The following SPATA6L variants were observed in gnomAD, a reference collection of about 807,000 sequenced individuals.
SPATA6L encodes spermatogenesis associated 6 like.
SPATA6L carries 68 observed loss-of-function variants against 49.2 expected under a neutral mutation model. That is an observed-to-expected ratio of 1.38 (90% CI 1.14 to 1.69). The LOEUF (loss-of-function observed/expected upper bound fraction) is 1.69, where lower values mean the gene tolerates loss of function less well. SPATA6L is among the 40% of genes most tolerant of loss of function. The pLI is 0.00. For synonymous variants in SPATA6L, 198 were observed against 165.7 expected, an observed-to-expected ratio of 1.19 and a Z score of -1.50; for missense variants, 668 against 464.3, an observed-to-expected ratio of 1.44 and a Z score of -4.03.
rs370931784 is a variant in SPATA6L, at chr9:4,629,755, A to ATGTG, written c.352-591_352-588dup. Among the ~76,000 whole-genome samples the ATGTG allele has an allele frequency of 3.3e-3, 418 of 125,394 alleles. 3 individuals carry two copies. The highest frequency in any genetic ancestry group is 0.012 in the African/African-American group (362 of 29,952). 82.3% of individuals were successfully genotyped at this position (125,394 alleles called of 152,430 possible). ...CTGTCTAAAATATTGTGTTTTATAT[A>ATGTG]TGTGTGTGTGTGTGTATATATATAT... On this transcript the variant is annotated intron_variant, in intron 4 of 11. Coordinates refer to ENST00000682582, the MANE Select transcript of SPATA6L (RefSeq NM_001353486.2).
rs555147147 is a variant in SPATA6L, at chr9:4,662,502, C to T, written c.40-466G>A. 7 of 1,559,940 alleles carry T rather than the reference C, an allele frequency of 4.5e-6. No homozygotes were observed. In the South Asian group the frequency reaches 5.8e-5, roughly 13 times the overall value. The stretch of plus-strand genomic sequence containing the variant: ...CGGCAGCAGGTTTGAGTTCCAGTCC[C>T]TGCTCAGCAGCCGCGCCACGGCCGT... On this transcript the variant is annotated intron_variant, in intron 1 of 11. Coordinates refer to ENST00000682582, the MANE Select transcript of SPATA6L (RefSeq NM_001353486.2). This position sits in a 1 kb window ranked among gnomAD's most constrained non-coding sequence, Gnocchi z 4.9.
In SPATA6L at chr9:4,662,967, G is replaced by T; in HGVS notation, c.40-931C>A. The T allele has an allele frequency of 6.2e-7, 1 of 1,612,798 alleles. No individual in the cohort carries two copies. On this transcript the variant is annotated intron_variant, in intron 1 of 11. Transcript: ENST00000682582. This position sits in a 1 kb window ranked among gnomAD's most constrained non-coding sequence, Gnocchi z 4.9. ...GCGCCGCCCGGCCCACAACCAGATG[G>T]ACATGTTTGTCACTCTCTCGGTGGA...
chr9:4,662,320 G>A lies in SPATA6L; in HGVS notation c.40-284C>T. 1.4e-6 allele frequency: 2 copies of A among 1,445,512 alleles called. No individual in the cohort carries two copies. The highest frequency in any genetic ancestry group is 2.9e-5 in the South Asian group (2 of 69,452). 89.5% of individuals were successfully genotyped at this position (1,445,512 alleles called of 1,614,324 possible). On this transcript the variant is annotated intron_variant, in intron 1 of 11. Coordinates refer to ENST00000682582, the MANE Select transcript of SPATA6L (RefSeq NM_001353486.2). The surrounding 1 kb of genome is among the most constrained non-coding windows in gnomAD (Gnocchi z 4.9). ...GTGCGGAAGCGGAAGAGGCTGCAGG[G>A]CCGGGAAGCCTCTGTTTGGTCCGGC...
chr9:4,666,258 T>A lies in SPATA6L; in HGVS notation c.-8A>T. 1 of 1,614,158 alleles carries A rather than the reference T, an allele frequency of 6.2e-7. No homozygotes were observed. Among genetic ancestry groups the A allele is most frequent in the Non-Finnish European group, 8.5e-7 (1 of 1,180,032 alleles). On this transcript the variant is annotated 5_prime_UTR_variant, in exon 1 of 12. Transcript: ENST00000682582. ...CACCACCTCCAGAGGCATCGTTCCC[T>A]GCGTGGGCGAAAGGACTGGAATGAG...
At chr9:4,648,815 C>T (rs1202740064) in intron 3 of SPATA6L, among the ~76,000 whole-genome samples, 1 of 152,144 alleles carries the variant, frequency 6.6e-6, no homozygotes, top group Non-Finnish European at 1.5e-5. Context: ...AGTCTTTTAT[C>T]CCTCACTCCC....
intron 13 of SPATA6L, among the ~76,000 whole-genome samples, chr9:4,589,618 C>T (rs1197709763): frequency 6.6e-6 from 1 of 152,212 alleles, no homozygotes; most frequent in African/African-American, 2.4e-5. Context: ...TTCCTATGCC[C>T]TGAAACACAG....
At chr9:4,657,834 G>A (rs1449686136) in intron 2 of SPATA6L, among the ~76,000 whole-genome samples, 1 of 152,174 alleles carries the variant, frequency 6.6e-6, no homozygotes, top group Admixed American at 6.5e-5. Flanking sequence ...TCTAGTTAGA[G>A]GTTCATTGGT....
At chr9:4,666,163 T>G (rs776189336) in intron 1 of SPATA6L, 49 bp downstream of exon 1, 1 of 1,601,066 alleles carries the variant, frequency 6.2e-7, no homozygotes, top group Non-Finnish European at 8.6e-7. Context: ...CCTGAGACTA[T>G]TTAGAGTCCG....
At position 4,598,474 on chromosome 9, in the gene SPATA6L, A is replaced by AC. The variant is rs560688989; in HGVS notation, c.*2336_*2337insG. The stretch of plus-strand genomic sequence containing the variant: ...CTCAAAATTGAGATAACTCCTTGAG[A>AC]AACAAAAGTAAAAATAATAATAATT... On this transcript the variant is annotated 3_prime_UTR_variant, in exon 12 of 12. Transcript: ENST00000682582. Among the ~76,000 whole-genome samples the AC allele has an allele frequency of 3.9e-5, 6 of 152,232 alleles. No individual in the cohort carries two copies. Among genetic ancestry groups the AC allele is most frequent in the Non-Finnish European group, 7.3e-5 (5 of 68,048 alleles).
intron 3 of SPATA6L, among the ~76,000 whole-genome samples, chr9:4,641,370 T>C (rs1833999302): frequency 6.6e-6 from 1 of 151,826 alleles, no homozygotes; most frequent in African/African-American, 2.4e-5. Context: ...TGCGGTGAGT[T>C]GGTCGAAGGT....
chr9:4,635,993 T>C (rs1404983360), intron 3 of SPATA6L, among the ~76,000 whole-genome samples: 1 of 152,232 alleles, frequency 6.6e-6, no homozygotes, highest in East Asian at 1.9e-4. Flanking sequence ...AGTGACTTTC[T>C]AATATTCTGC....
At chr9:4,603,110 A>C (rs1296302442) in intron 11 of SPATA6L, among the ~76,000 whole-genome samples, 1 of 152,178 alleles carries the variant, frequency 6.6e-6, no homozygotes, top group Non-Finnish European at 1.5e-5. Flanking sequence ...ATTCATAATC[A>C]ATGCATATTC....
At chr9:4,658,950 C>CAA (rs34665368) in intron 2 of SPATA6L, among the ~76,000 whole-genome samples, 2 of 94,572 alleles carry the variant, frequency 2.1e-5, no homozygotes, top group East Asian at 2.9e-4. Context: ...ACTCTGTCTC[C>CAA]AAAAAAAAAA....
Position 4,662,791 on chromosome 9 carries a change from T to C in SPATA6L, c.40-755A>G. The C allele has an allele frequency of 6.2e-7, 1 of 1,605,176 alleles. No individual in the cohort carries two copies. Among genetic ancestry groups the C allele is most frequent in the Non-Finnish European group, 8.5e-7 (1 of 1,179,922 alleles). On this transcript the variant is annotated intron_variant, in intron 1 of 11. Transcript: ENST00000682582. This position sits in a 1 kb window ranked among gnomAD's most constrained non-coding sequence, Gnocchi z 4.9. The stretch of plus-strand genomic sequence containing the variant: ...CGACCCCTTATGAAGCTGCTGGAGA[T>C]CTCGGGACACGGCATCCCCTGGCTG...
Position 4,618,061 on chromosome 9 carries a change from G to A in SPATA6L, c.857C>T (p.Ser286Leu). 6.2e-7 allele frequency: 1 copy of A among 1,613,906 alleles called. No individual in the cohort carries two copies. Among genetic ancestry groups the A allele is most frequent in the Non-Finnish European group, 8.5e-7 (1 of 1,179,910 alleles). ...ERIVLRSDSS[S>L]CLDSSQFGKS... ...TCCAAACTGACTTGAATCTAAACATGATGATGAGTCACTCCTTAAAACAAT... is the reference window on the plus strand; with the variant it reads ...TCCAAACTGACTTGAATCTAAACATAATGATGAGTCACTCCTTAAAACAAT... The change falls in exon 9 of 12, where the codon TCA becomes TTA. Residue 286 changes from serine to leucine, a missense_variant. Transcript: ENST00000682582.
intron 3 of SPATA6L, among the ~76,000 whole-genome samples, chr9:4,640,866 C>T (rs537002330): frequency 1.4e-4 from 21 of 152,232 alleles, no homozygotes; most frequent in African/African-American, 5.1e-4. Flanking sequence ...TCCCATTGTG[C>T]ATCTTATTAA....
rs755693595 is a variant in SPATA6L, at chr9:4,622,441, T to TA, written c.738dup (p.Lys247Ter). 5 of 1,613,842 alleles carry TA rather than the reference T, an allele frequency of 3.1e-6. No homozygotes were observed. In the Admixed American group the frequency reaches 6.7e-5, roughly 22 times the overall value. On this transcript the variant is annotated frameshift_variant, in exon 7 of 12. Coordinates refer to ENST00000682582, the MANE Select transcript of SPATA6L (RefSeq NM_001353486.2). LOFTEE classifies it high-confidence loss of function. ...GTTGGAAACGGAAAGTCTGAAAACT[T>TA]AGATTTTCTTCTAGACCTCCTCAAA...
intron 10 of SPATA6L, among the ~76,000 whole-genome samples, chr9:4,604,813 T>C (rs75979646): frequency 0.044 from 6,745 of 152,256 alleles, 246 homozygotes; most frequent in Admixed American, 0.078. Flanking sequence ...GAACTGCCAC[T>C]TAGCTGTGTA....
chr9:4,604,675 A>T (rs1021220056), intron 10 of SPATA6L, among the ~76,000 whole-genome samples: 4 of 152,220 alleles, frequency 2.6e-5, no homozygotes, highest in Admixed American at 2.6e-4. Context: ...TTTAGTTTTA[A>T]GTGTCATCCT....
Sources: gnomAD v4.1 joint callset for allele counts (sites outside exome capture counted in the v4.1 genomes callset) on GRCh38, gnomAD v4.1.1 for gene constraint, Gnocchi (gnomAD v3.1) non-coding constraint, MANE v1.5 for transcripts, NCBI Gene and HGNC (gene_info 2026-07-23, HGNC 2026-07-21) for gene names.